Variants in PHF20 observed in about 807,000 individuals in gnomAD.
PHF20 encodes PHD finger protein 20.
In PHF20, 23 loss-of-function variants were observed where a neutral mutation model predicts 113.5. That is an observed-to-expected ratio of 0.20 (90% confidence interval 0.15 to 0.29). The LOEUF is 0.29. PHF20 is among the 10% of genes least tolerant of loss of function. The probability of loss-of-function intolerance (pLI) is 1.00; values close to 1 mark genes in which losing one functional copy is unlikely to be tolerated. For synonymous variants in PHF20, 434 were observed against 457.3 expected (o/e 0.95, Z 0.65); for missense variants, 943 against 1,219.6 (o/e 0.77, Z 3.38).
At chr20:35,855,213 G>T in intron 4 of PHF20, 1 of 1,291,770 alleles carries the variant, frequency 7.7e-7, no homozygotes, top group Non-Finnish European at 1.0e-6. Context: ...GAATTCCATA[G>T]CATTGTTTAT....
At chr20:35,772,662 C>G (rs1033296008) in intron 1 of PHF20, among the ~76,000 whole-genome samples, 4 of 152,028 alleles carry the variant, frequency 2.6e-5, no homozygotes, top group Non-Finnish European at 4.4e-5. Context: ...CCCTCCCCCC[C>G]CCAAATTTAG....
chr20:35,929,484 G>A (rs775354686), intron 14 of PHF20, among the ~76,000 whole-genome samples: 34 of 152,372 alleles, frequency 2.2e-4, no homozygotes, highest in Middle Eastern at 6.8e-3. Flanking sequence ...TGCCAGACAG[G>A]CGATGAGAAC....
intron 6 of PHF20, among the ~76,000 whole-genome samples, chr20:35,867,800 T>C (rs894511823): frequency 6.6e-6 from 1 of 152,030 alleles, no homozygotes; most frequent in East Asian, 1.9e-4. Flanking sequence ...TCTTTCTCCC[T>C]TCCCTTCCTC....
chr20:35,842,552 ATTT>A lies in PHF20; in HGVS notation c.84-12_84-10del, dbSNP rs531521448. The stretch of plus-strand genomic sequence containing the variant: ...TGGGGTGGGTATTAAAGGAATGCCA[ATTT>A]TTTTTTTTCTGACTCAGGTATCCAG... On this transcript the variant is annotated intron_variant, in intron 2 of 17. Transcript: ENST00000374012. The A allele has an allele frequency of 1.5e-5, 19 of 1,240,786 alleles. No homozygotes were observed. In the East Asian group the frequency reaches 1.7e-4, roughly 11 times the overall value. The allele number at this position is 1,240,786 out of a possible 1,614,324, so 76.9% of individuals were successfully genotyped here.
chr20:35,844,543 CCACACACACA>C lies in PHF20; in HGVS notation c.255+1838_255+1847del, dbSNP rs61622083. ...AATCTCCCATTTTTCTTCACCATCACCACACACACACACACACACACACACACACACACAC... is the reference window on the plus strand; with the variant it reads ...AATCTCCCATTTTTCTTCACCATCACCACACACACACACACACACACACAC... On this transcript the variant is annotated intron_variant, in intron 3 of 17. Coordinates refer to ENST00000374012, the MANE Select transcript of PHF20 (RefSeq NM_016436.5). Among the ~76,000 whole-genome samples, 183 of 117,718 alleles carry C rather than the reference CCACACACACA, an allele frequency of 1.6e-3. 1 individual carries two copies. The highest frequency in any genetic ancestry group is 8.2e-3 in the Middle Eastern group (2 of 244). 77.2% of individuals were successfully genotyped at this position (117,718 alleles called of 152,430 possible).
intron 9 of PHF20, among the ~76,000 whole-genome samples, chr20:35,891,741 T>C (rs2054866841): frequency 6.6e-6 from 1 of 152,240 alleles, no homozygotes; most frequent in Non-Finnish European, 1.5e-5. Flanking sequence ...TAATTTTTCA[T>C]GTCTCTAAAT....
At chr20:35,803,576 C>T (rs1236781398) in intron 2 of PHF20, among the ~76,000 whole-genome samples, 3 of 151,520 alleles carry the variant, frequency 2.0e-5, no homozygotes, top group South Asian at 2.1e-4. Context: ...CTGCCTGCCT[C>T]GGCCTCCCAA....
At chr20:35,902,320 A>T (rs1368783149) in intron 10 of PHF20, among the ~76,000 whole-genome samples, 1 of 152,230 alleles carries the variant, frequency 6.6e-6, no homozygotes, top group African/African-American at 2.4e-5. Context: ...ATGGATTGAC[A>T]TCTGGGCAGG....
At position 35,823,632 on chromosome 20, in the gene PHF20, CAAAAAAAAA is replaced by C. The variant is rs34177764; in HGVS notation, c.84-18927_84-18919del. Among the ~76,000 whole-genome samples, 8 of 53,764 alleles carry C rather than the reference CAAAAAAAAA, an allele frequency of 1.5e-4. 1 individual carries two copies. The highest frequency in any genetic ancestry group is 3.1e-4 in the Non-Finnish European group (8 of 25,740). The allele number at this position is 53,764 out of a possible 152,430, so 35.3% of individuals were successfully genotyped here. A position where few individuals can be genotyped will look rare whatever the true frequency, so the allele number is the denominator to read the frequency against. On this transcript the variant is annotated intron_variant, in intron 2 of 17. Transcript: ENST00000374012. ...TGTGTGATAGAGCGAGACCCTGTCT[CAAAAAAAAA>C]AAAAAAAAAAAAAGGGGTGAAGAAA... is the stretch of plus-strand genomic sequence containing the variant.
rs911744498 is a variant in PHF20 at position 35,871,693 on chromosome 20, A to T, written c.1146A>T (p.Ala382=). 56 of 1,613,572 alleles carry T rather than the reference A, an allele frequency of 3.5e-5. No individual in the cohort carries two copies. In the Middle Eastern group the frequency reaches 4.9e-4, roughly 14 times the overall value. The change falls in exon 9 of 18, where the codon GCA becomes GCT. Residue 382 remains alanine, a synonymous_variant. Transcript: ENST00000374012. ...TGGAAGCTGGCCAGGTCTCATCTGCACTGACTTGCCACTCCTTTGGGGATG... is the reference window on the plus strand; with the variant it reads ...TGGAAGCTGGCCAGGTCTCATCTGCTCTGACTTGCCACTCCTTTGGGGATG... ...SALEAGQVSS[A]LTCHSFGDGS...
At chr20:35,874,459 C>T (rs1156533420) in intron 9 of PHF20, among the ~76,000 whole-genome samples, 1 of 151,974 alleles carries the variant, frequency 6.6e-6, no homozygotes, top group Non-Finnish European at 1.5e-5. Flanking sequence ...TTCCTGATGA[C>T]AAATTCTTCT....
intron 13 of PHF20, among the ~76,000 whole-genome samples, chr20:35,924,945 A>C (rs2055597686): frequency 6.6e-6 from 1 of 152,012 alleles, no homozygotes; most frequent in Admixed American, 6.6e-5. Context: ...ATCCACCTGA[A>C]ATTTTGCCAG....
Position 35,889,871 on chromosome 20 carries a change from G to A in PHF20, c.1283-9499G>A, listed in dbSNP as rs957095212. Among the ~76,000 whole-genome samples, 4 of 152,056 alleles carry A rather than the reference G, an allele frequency of 2.6e-5. No individual in the cohort carries two copies. The South Asian group carries it at 8.3e-4, about 32-fold the overall frequency. The stretch of plus-strand genomic sequence containing the variant: ...GCCTCCCAAGTAGCTGGGACTAGAA[G>A]CATGCACCACCATGCCTGGCTAATT... On this transcript the variant is annotated intron_variant, in intron 9 of 17. Coordinates refer to ENST00000374012, the MANE Select transcript of PHF20 (RefSeq NM_016436.5).
At chr20:35,851,810 G>A (rs111589667) in intron 4 of PHF20, among the ~76,000 whole-genome samples, 497 of 152,084 alleles carry the variant, frequency 3.3e-3, no homozygotes, top group Non-Finnish European at 3.2e-3. Flanking sequence ...AGCTACTCGG[G>A]AGGCTGAGAC....
At chr20:35,843,019 G>A (rs6060636) in intron 3 of PHF20, among the ~76,000 whole-genome samples, 37,751 of 151,784 alleles carry the variant, frequency 0.25, 5,587 homozygotes, top group African/African-American at 0.42. Flanking sequence ...AGCGATTCTC[G>A]TGCCTCAGCC....
At chr20:35,805,813 A>G (rs2041869302) in intron 2 of PHF20, among the ~76,000 whole-genome samples, 1 of 151,998 alleles carries the variant, frequency 6.6e-6, no homozygotes, top group Non-Finnish European at 1.5e-5. Context: ...AATTTTATGA[A>G]GTAGTATTTA....
rs377513726 is a variant in PHF20 at position 35,842,601 on chromosome 20, T to C, written c.112T>C (p.Tyr38His). Residue 38 changes from tyrosine (Y) to histidine (H), a missense_variant, in exon 3 of 18, where the codon TAC becomes CAC. By Grantham distance (83) the Tyr-to-His change is moderately conservative. Coordinates refer to ENST00000374012, the MANE Select transcript of PHF20 (RefSeq NM_016436.5). ...WYPAHIEDID[Y>H]EEGKVLIHFK... is the part of the protein sequence containing the mutation. Reference sequence around the variant, plus strand: ...TCCAGCTCACATAGAAGACATTGACTACGAGGAAGGAAAAGTACTCATCCA... The same window carrying C: ...TCCAGCTCACATAGAAGACATTGACCACGAGGAAGGAAAAGTACTCATCCA... 1.1e-5 allele frequency: 17 copies of C among 1,613,736 alleles called. No individual in the cohort carries two copies. The highest frequency in any genetic ancestry group is 1.4e-5 in the Non-Finnish European group (17 of 1,179,928).
At chr20:35,809,610 A>T (rs1221008173) in intron 2 of PHF20, among the ~76,000 whole-genome samples, 3 of 149,410 alleles carry the variant, frequency 2.0e-5, no homozygotes, top group East Asian at 2.0e-4. Context: ...CCAGCTGGGC[A>T]TGGTGACTCA....
intron 2 of PHF20, among the ~76,000 whole-genome samples, chr20:35,831,112 A>C (rs974954967): frequency 1.3e-5 from 2 of 151,830 alleles, no homozygotes; most frequent in African/African-American, 2.4e-5. Flanking sequence ...CACTAAAGTT[A>C]TTTCTTTCTT....
Sources: allele counts gnomAD v4.1 joint callset (sites outside exome capture counted in the v4.1 genomes callset), GRCh38; gene constraint gnomAD v4.1.1; transcripts MANE v1.5; gene names NCBI Gene and HGNC (gene_info 2026-07-23, HGNC 2026-07-21).